The following AFAP1 variants were observed in gnomAD, a reference collection of about 807,000 sequenced individuals.
AFAP1 encodes actin filament-associated protein 1.
A neutral mutation model predicts 93.9 loss-of-function variants in AFAP1; 75 were observed. The ratio of observed to expected loss-of-function variants is 0.80; its 90% CI spans 0.66 to 0.97. The LOEUF (loss-of-function observed/expected upper bound fraction) is 0.97, where lower values mean the gene tolerates loss of function less well. Ranked by LOEUF, AFAP1 falls within the 50% of genes least tolerant of loss-of-function variation. The probability of loss-of-function intolerance (pLI) is 0.00; values close to 1 mark genes in which losing one functional copy is unlikely to be tolerated. For synonymous variants in AFAP1, 517 were observed against 430.7 expected (o/e 1.20, Z -2.48); for missense variants, 1,201 against 1,050.8 (o/e 1.14, Z -1.98).
chr4:7,769,521 T>A (rs1715113123), intron 16 of AFAP1, among the ~76,000 whole-genome samples: 1 of 152,188 alleles, frequency 6.6e-6, no homozygotes, highest in Non-Finnish European at 1.5e-5. Context: ...TCCTAGTGTT[T>A]ACGGCAGCTT....
intron 12 of AFAP1, among the ~76,000 whole-genome samples, chr4:7,783,070 T>G (rs1220673343): frequency 6.6e-6 from 1 of 152,164 alleles, no homozygotes; most frequent in Non-Finnish European, 1.5e-5. Flanking sequence ...AGTCTAAGCA[T>G]CAGGGGGAAC....
chr4:7,815,965 G>GT, intron 8 of AFAP1, 53 bp downstream of exon 8: 1 of 1,485,930 alleles, frequency 6.7e-7, no homozygotes, highest in Non-Finnish European at 9.1e-7. Flanking sequence ...GTAGATTTTT[G>GT]TTTTTGTTTT....
At chr4:7,917,076 A>G (rs1415544771) in intron 1 of AFAP1, among the ~76,000 whole-genome samples, 1 of 152,190 alleles carries the variant, frequency 6.6e-6, no homozygotes, top group Admixed American at 6.5e-5. Context: ...CAATTCTATC[A>G]TTTGCAAAAT....
At position 7,809,724 on chromosome 4, in the gene AFAP1, G is replaced by C. The variant is rs1166205067; in HGVS notation, c.944C>G (p.Thr315Ser). 3 of 1,613,916 alleles carry C rather than the reference G, an allele frequency of 1.9e-6. No individual in the cohort carries two copies. Among genetic ancestry groups the C allele is most frequent in the Non-Finnish European group, 2.5e-6 (3 of 1,179,950 alleles). The change falls in exon 9 of 18, where the codon ACT (threonine) becomes AGT (serine). Residue 315 changes from threonine (T) to serine (S), a missense_variant. By Grantham distance (58) the Thr-to-Ser change is moderately conservative. Transcript: ENST00000420658. ...TTTTTTCCCAGTGACTTTCGACACA[G>C]TGCCCTTGGCCTCTGATTTGGAACT... ...KKSSKSEAKG[T>S]VSKVTGKKIT... is the part of the protein sequence containing the mutation.
intron 1 of AFAP1, among the ~76,000 whole-genome samples, chr4:7,873,528 T>G (rs894346213): frequency 5.3e-5 from 8 of 151,176 alleles, no homozygotes; most frequent in Non-Finnish European, 1.0e-4. Flanking sequence ...TTTTGTATTT[T>G]TAGTAGAGAC....
intron 1 of AFAP1, among the ~76,000 whole-genome samples, chr4:7,916,774 G>C (rs1016332185): frequency 6.6e-6 from 1 of 152,122 alleles, no homozygotes; most frequent in Non-Finnish European, 1.5e-5. Flanking sequence ...CAGCAGAAAG[G>C]GATGTTGCAA....
At chr4:7,811,082 G>A (rs1719986868) in intron 8 of AFAP1, among the ~76,000 whole-genome samples, 2 of 152,226 alleles carry the variant, frequency 1.3e-5, no homozygotes, top group South Asian at 2.1e-4. Context: ...CATCTCCTGA[G>A]GGCCGTTATG....
rs1321639628 is a variant in AFAP1 at position 7,939,451 on chromosome 4, G to C, written c.-3+205C>G. The C allele has an allele frequency of 3.4e-6, 1 of 295,144 alleles. No homozygotes were observed. The highest frequency in any genetic ancestry group is 1.6e-4 in the East Asian group (1 of 6,288). 18.3% of individuals were successfully genotyped at this position (295,144 alleles called of 1,614,324 possible). A position where few individuals can be genotyped will look rare whatever the true frequency, so the allele number is the denominator to read the frequency against. On this transcript the variant is annotated intron_variant, in intron 1 of 17. Coordinates refer to ENST00000420658, the MANE Select transcript of AFAP1 (RefSeq NM_001134647.2). This position sits in a 1 kb window ranked among gnomAD's most constrained non-coding sequence, Gnocchi z 5.6. Reference sequence around the variant, plus strand: ...GGGGAGCTGGGGAGCAGTGGGGACCGGCCCCCACCCGCAGGACGACCGGGA... The same window carrying C: ...GGGGAGCTGGGGAGCAGTGGGGACCCGCCCCCACCCGCAGGACGACCGGGA...
rs148110117 is a variant in AFAP1, at chr4:7,786,887, C to A, written c.1413-576G>T. On this transcript the variant is annotated intron_variant, in intron 11 of 17. Coordinates refer to ENST00000420658, the MANE Select transcript of AFAP1 (RefSeq NM_001134647.2). ...CCCCTGTTCTATAAGCTTTCTGGAA[C>A]ACTCATTCAACAAATATTTATGGAG... Among the ~76,000 whole-genome samples, 606 of 152,352 alleles carry A rather than the reference C, an allele frequency of 4.0e-3. 13 individuals carry two copies. Among genetic ancestry groups the A allele is most frequent in the Non-Finnish European group, 2.9e-3 (200 of 68,034 alleles).
chr4:7,844,317 T>C (rs1440106302), intron 4 of AFAP1, among the ~76,000 whole-genome samples: 2 of 152,092 alleles, frequency 1.3e-5, no homozygotes, highest in Non-Finnish European at 1.5e-5. Flanking sequence ...GTCCCCACCA[T>C]GTGAGGACAC....
At chr4:7,896,915 T>C (rs900964210) in intron 1 of AFAP1, among the ~76,000 whole-genome samples, 1 of 151,864 alleles carries the variant, frequency 6.6e-6, no homozygotes, top group African/African-American at 2.4e-5. Context: ...TGACACGGTG[T>C]GACACGGTGT....
intron 6 of AFAP1, among the ~76,000 whole-genome samples, chr4:7,837,483 G>C (rs1244448438): frequency 6.6e-6 from 1 of 152,180 alleles, no homozygotes; most frequent in East Asian, 1.9e-4. Context: ...ACACTGAATA[G>C]AACGGTCCCT....
intron 16 of AFAP1, among the ~76,000 whole-genome samples, chr4:7,770,270 G>A (rs1367453205): frequency 6.6e-6 from 1 of 152,222 alleles, no homozygotes; most frequent in Non-Finnish European, 1.5e-5. Context: ...GAAGGGGCCA[G>A]AGGGAAGCTC....
At chr4:7,933,909 C>A (rs1406585115) in intron 1 of AFAP1, among the ~76,000 whole-genome samples, 3 of 152,228 alleles carry the variant, frequency 2.0e-5, no homozygotes, top group Non-Finnish European at 4.4e-5. Flanking sequence ...TGAGATGATA[C>A]AATTTCAATT....
At chr4:7,911,552 T>A (rs934075203) in intron 1 of AFAP1, among the ~76,000 whole-genome samples, 3 of 152,230 alleles carry the variant, frequency 2.0e-5, no homozygotes, top group Non-Finnish European at 4.4e-5. Context: ...ATGCCCCTCA[T>A]CCGCTCCTCC....
chr4:7,887,951 C>T (rs76701113), intron 1 of AFAP1, among the ~76,000 whole-genome samples: 1 of 152,278 alleles, frequency 6.6e-6, no homozygotes, highest in South Asian at 2.1e-4. Flanking sequence ...CTCAGCCTCC[C>T]AAGTAGCTGG....
rs1378058777 is a variant in AFAP1 at position 7,911,176 on chromosome 4, C to G, written c.-3+28480G>C. On this transcript the variant is annotated intron_variant, in intron 1 of 17. Coordinates refer to ENST00000420658, the MANE Select transcript of AFAP1 (RefSeq NM_001134647.2). ...CCACGAAATGACCCCTCCACTCCTC[C>G]CTGGGGGAAGGCTGACTAGCGAGCC... 2.0e-5 allele frequency among the ~76,000 whole-genome samples: 3 copies of G among 152,180 alleles called. No individual in the cohort carries two copies. In the South Asian group the frequency reaches 6.2e-4, roughly 32 times the overall value.
In AFAP1 at chr4:7,887,054, A is replaced by G. The variant is rs372921423; in HGVS notation, c.-2-14974T>C. On this transcript the variant is annotated intron_variant, in intron 1 of 17. Coordinates refer to ENST00000420658, the MANE Select transcript of AFAP1 (RefSeq NM_001134647.2). ...TTATTCTAGGAAAGGAAGAATCACA[A>G]AAGGTTTCTAGAAAAAATGGCATTG... Among the ~76,000 whole-genome samples, 66 of 152,316 alleles carry G rather than the reference A, an allele frequency of 4.3e-4. No individual in the cohort carries two copies. In the East Asian group the frequency reaches 0.01, roughly 23 times the overall value.
rs183120492 is a variant in AFAP1, at chr4:7,772,045, G to C, written c.2253+775C>G. The stretch of plus-strand genomic sequence containing the variant: ...GGAAGAGCAGCGGTGGGTTCAACCA[G>C]GCTCAGCATTTTACTGAGGGGTTTG... On this transcript the variant is annotated intron_variant, in intron 16 of 17. Coordinates refer to ENST00000420658, the MANE Select transcript of AFAP1 (RefSeq NM_001134647.2). 1.8e-4 allele frequency among the ~76,000 whole-genome samples: 27 copies of C among 152,328 alleles called. No individual in the cohort carries two copies. The East Asian group carries it at 3.9e-3, about 22-fold the overall frequency.
Sources: allele counts gnomAD v4.1 joint callset (sites outside exome capture counted in the v4.1 genomes callset), GRCh38; gene constraint gnomAD v4.1.1; non-coding constraint Gnocchi (gnomAD v3.1); transcripts MANE v1.5; gene names NCBI Gene and HGNC (gene_info 2026-07-23, HGNC 2026-07-21).